Variants in MXRA7 observed in about 807,000 individuals in gnomAD.
MXRA7 encodes matrix-remodeling-associated protein 7.
MXRA7 carries 18 observed loss-of-function variants against 17.4 expected under a neutral mutation model. The observed-to-expected ratio is 1.03, with a 90% CI of 0.71 to 1.53. MXRA7 has a LOEUF of 1.53. Among genes scored for constraint, MXRA7 ranks in the 40% most tolerant of loss-of-function variants. The pLI is 0.00. For synonymous variants in MXRA7, 70 were observed against 101.7 expected (o/e 0.69, Z 1.87); for missense variants, 141 against 209.3 (o/e 0.67, Z 2.01).
intron 1 of MXRA7, among the ~76,000 whole-genome samples, chr17:76,696,312 G>C (rs982327447): frequency 6.6e-6 from 1 of 151,992 alleles, no homozygotes; most frequent in African/African-American, 2.4e-5. Flanking sequence ...TTGATGCCAG[G>C]GGTTTGAGAC....
exon 4 of MXRA7, chr17:76,673,121 T>G (rs1364288198): frequency 6.6e-6 from 1 of 152,256 alleles, no homozygotes; most frequent in Admixed American, 6.5e-5. Context: ...ACCTGCCTTT[T>G]GGCAGAGAGG....
At chr17:76,706,500 A>G (rs963606980) in intron 1 of MXRA7, among the ~76,000 whole-genome samples, 25 of 151,048 alleles carry the variant, frequency 1.7e-4, no homozygotes, top group African/African-American at 6.2e-4. Flanking sequence ...AAAGGACCAC[A>G]CTGCCATCAC....
chr17:76,673,508 T>C (rs2076217726), exon 4 of MXRA7: 1 of 152,254 alleles, frequency 6.6e-6, no homozygotes, highest in Admixed American at 6.5e-5. Context: ...ATGGTCTGCC[T>C]GGACCTAGCC....
At chr17:76,710,035 G>C (rs2076702582) in intron 1 of MXRA7, 2 of 152,364 alleles carry the variant, frequency 1.3e-5, no homozygotes, top group South Asian at 4.1e-4. Context: ...AAGGACTGCT[G>C]GGATCGGGTG....
At chr17:76,696,138 G>A (rs2076530990) in intron 1 of MXRA7, among the ~76,000 whole-genome samples, 1 of 151,936 alleles carries the variant, frequency 6.6e-6, no homozygotes, top group Non-Finnish European at 1.5e-5. Context: ...AGAAATGCAG[G>A]GTCTGCAACC....
chr17:76,672,936 G>A (rs941267308), exon 4 of MXRA7: 1 of 152,204 alleles, frequency 6.6e-6, no homozygotes, highest in Non-Finnish European at 1.5e-5. Flanking sequence ...GAATCTGCCA[G>A]GCTTCCTGTT....
At chr17:76,705,558 C>T (rs925551631) in intron 1 of MXRA7, among the ~76,000 whole-genome samples, 4 of 152,140 alleles carry the variant, frequency 2.6e-5, no homozygotes, top group African/African-American at 9.7e-5. Context: ...CTGTTGAAGT[C>T]TTAACCCCCA....
chr17:76,688,241 C>G, intron 1 of MXRA7, 65 bp from the exon 2 acceptor site: 3 of 1,604,754 alleles, frequency 1.9e-6, no homozygotes, highest in Non-Finnish European at 2.6e-6. Context: ...GGTGGGGGGG[C>G]AGAAGGTAGG....
rs1200375499 is a variant in MXRA7, at chr17:76,681,080, G to T, written c.501-201C>A. On this transcript the variant is annotated intron_variant, in intron 3 of 3. Transcript: ENST00000449428. The surrounding 1 kb of genome is among the most constrained non-coding windows in gnomAD (Gnocchi z 4.7). ...ACAGTCTGTGCCGCCAAGCCGGCCA[G>T]AGCTTGCAGAGCTCCCCTTGATCCC... Among the ~76,000 whole-genome samples, 1 of 152,162 alleles carries T rather than the reference G, an allele frequency of 6.6e-6. No homozygotes were observed. The highest frequency in any genetic ancestry group is 2.4e-5 in the African/African-American group (1 of 41,438).
rs542077047 is a variant in MXRA7 at position 76,686,394 on chromosome 17, C to T, written c.407-1229G>A. 7.9e-5 allele frequency among the ~76,000 whole-genome samples: 12 copies of T among 152,202 alleles called. No individual in the cohort carries two copies. In the South Asian group the frequency reaches 2.3e-3, roughly 29 times the overall value. Reference sequence around the variant, plus strand: ...ACTCAGGAGGCTGAGGCAGGAGAATCGCTTGAACCCGGGAGGCAGAGGTTG... The same window carrying T: ...ACTCAGGAGGCTGAGGCAGGAGAATTGCTTGAACCCGGGAGGCAGAGGTTG... On this transcript the variant is annotated intron_variant, in intron 2 of 3. Coordinates refer to ENST00000449428, the MANE Select transcript of MXRA7 (RefSeq NM_198530.4).
chr17:76,684,247 G>A (rs555965134), intron 3 of MXRA7, among the ~76,000 whole-genome samples: 3 of 152,282 alleles, frequency 2.0e-5, no homozygotes, highest in African/African-American at 7.2e-5. Context: ...ACCCTAGACC[G>A]CTGGTTTCTG....
chr17:76,696,504 T>C (rs1402211481), intron 1 of MXRA7, among the ~76,000 whole-genome samples: 1 of 151,590 alleles, frequency 6.6e-6, no homozygotes, highest in African/African-American at 2.4e-5. Flanking sequence ...TGAGTGACAG[T>C]GGGAGACCCT....
intron 1 of MXRA7, among the ~76,000 whole-genome samples, chr17:76,707,913 T>C (rs1433032329): frequency 2.6e-5 from 4 of 152,222 alleles, no homozygotes; most frequent in Admixed American, 2.6e-4. Context: ...TTGCCTATAA[T>C]GCTTCCTCAC....
At chr17:76,687,820 G>A (rs1331613398) in intron 2 of MXRA7, among the ~76,000 whole-genome samples, 2 of 152,250 alleles carry the variant, frequency 1.3e-5, no homozygotes, top group Non-Finnish European at 2.9e-5. Flanking sequence ...CACAAAAGGG[G>A]AGTTAGGAGG....
In MXRA7 at chr17:76,706,275, G is replaced by A. The variant is rs76792376; in HGVS notation, c.342+4330C>T. On this transcript the variant is annotated intron_variant, in intron 1 of 3. Transcript: ENST00000449428. ...TGCCATCACAGAGGCCCACGCTGCC[G>A]TCACAGAGGCCCACGCTGCCGTCAC... 1.6e-3 allele frequency among the ~76,000 whole-genome samples: 142 copies of A among 88,942 alleles called. 1 individual carries two copies. Among genetic ancestry groups the A allele is most frequent in the African/African-American group, 3.9e-3 (83 of 21,248 alleles). 58.3% of individuals were successfully genotyped at this position (88,942 alleles called of 152,430 possible).
intron 1 of MXRA7, among the ~76,000 whole-genome samples, chr17:76,707,469 A>G (rs1462257855): frequency 6.6e-6 from 1 of 151,860 alleles, no homozygotes; most frequent in Non-Finnish European, 1.5e-5. Context: ...ATGCCTGGCT[A>G]ATTTCTGTAT....
intron 3 of MXRA7, chr17:76,683,778 GTTGT>G: frequency 8.5e-7 from 1 of 1,176,734 alleles, no homozygotes; most frequent in Non-Finnish European, 1.3e-6. Context: ...GGCCGCGTCA[GTTGT>G]TTGGGGGCAC....
intron 1 of MXRA7, among the ~76,000 whole-genome samples, chr17:76,708,332 G>A (rs1400713211): frequency 1.3e-5 from 2 of 152,200 alleles, no homozygotes; most frequent in South Asian, 2.1e-4. Context: ...TGAGTTACAC[G>A]CTGCTCCCCA....
At chr17:76,705,274 G>A (rs2051041113) in intron 1 of MXRA7, among the ~76,000 whole-genome samples, 4 of 152,112 alleles carry the variant, frequency 2.6e-5, no homozygotes, top group South Asian at 2.1e-4. Context: ...ATTAAGTTAG[G>A]CACTCAAACA....
Sources: allele counts gnomAD v4.1 joint callset (sites outside exome capture counted in the v4.1 genomes callset), GRCh38; gene constraint gnomAD v4.1.1; non-coding constraint Gnocchi (gnomAD v3.1); transcripts MANE v1.5; gene names NCBI Gene and HGNC (gene_info 2026-07-23, HGNC 2026-07-21).